LYPD6: variants seen among roughly 807,000 people sequenced by gnomAD.
LYPD6 encodes ly6/PLAUR domain-containing protein 6.
In LYPD6, 15 loss-of-function variants were observed where a neutral mutation model predicts 22.7. The observed-to-expected ratio is 0.66, with a 90% CI of 0.44 to 1.02. The LOEUF is 1.02. LYPD6 is among the 50% of genes least tolerant of loss of function. The pLI is 0.00. For synonymous variants in LYPD6, 72 were observed against 77.5 expected (o/e 0.93, Z 0.37); for missense variants, 189 against 208.4 (o/e 0.91, Z 0.57).
chr2:149,428,578 A>G (rs140489431), intron 1 of LYPD6, among the ~76,000 whole-genome samples: 169 of 152,302 alleles, frequency 1.1e-3, no homozygotes, highest in African/African-American at 3.8e-3. Context: ...TCTCACTTGA[A>G]AAATATTCAG....
intron 1 of LYPD6, among the ~76,000 whole-genome samples, chr2:149,404,045 A>G (rs896390364): frequency 6.6e-6 from 1 of 152,066 alleles, no homozygotes; most frequent in African/African-American, 2.4e-5. Flanking sequence ...ATAGTTGTAG[A>G]TATGCGCCAT....
At chr2:149,459,142 C>T (rs1413015838) in intron 3 of LYPD6, among the ~76,000 whole-genome samples, 3 of 152,114 alleles carry the variant, frequency 2.0e-5, no homozygotes, top group East Asian at 1.9e-4. Context: ...AAAAACAAAA[C>T]GTCTTGAAAT....
downstream of LYPD6, among the ~76,000 whole-genome samples, chr2:149,474,840 CTTACTGCAACT>C (rs1681424618): frequency 6.6e-6 from 1 of 152,142 alleles, no homozygotes; most frequent in African/African-American, 2.4e-5. Context: ...TGATCTCACA[CTTACTGCAACT>C]TCTGCCTCCT....
intron 1 of LYPD6, among the ~76,000 whole-genome samples, chr2:149,389,483 T>C (rs997050321): frequency 2.6e-5 from 4 of 152,074 alleles, no homozygotes; most frequent in Non-Finnish European, 5.9e-5. Context: ...ATTACAGATA[T>C]ACGAAAATTA....
At chr2:149,404,612 A>C (rs1418071281) in intron 1 of LYPD6, among the ~76,000 whole-genome samples, 2 of 152,190 alleles carry the variant, frequency 1.3e-5, no homozygotes, top group African/African-American at 4.8e-5. Flanking sequence ...GAAGTTGCTT[A>C]TCAGCTTAAG....
chr2:149,335,389 GA>G (rs1271597461), intron 1 of LYPD6, among the ~76,000 whole-genome samples: 2 of 151,788 alleles, frequency 1.3e-5, no homozygotes, highest in East Asian at 1.9e-4. Flanking sequence ...TCATTTAATA[GA>G]AAAAAAGCTT....
intron 1 of LYPD6, among the ~76,000 whole-genome samples, chr2:149,428,046 T>C (rs1159933836): frequency 6.6e-6 from 1 of 152,246 alleles, no homozygotes; most frequent in Non-Finnish European, 1.5e-5. Flanking sequence ...TAAGATTGGG[T>C]ATGCATGAAT....
At chr2:149,430,252 G>T (rs187332680) in intron 1 of LYPD6, among the ~76,000 whole-genome samples, 1 of 151,998 alleles carries the variant, frequency 6.6e-6, no homozygotes, top group Admixed American at 6.6e-5. Context: ...GGTGCCCGCC[G>T]CCATGCCCAG....
chr2:149,379,430 A>G (rs560369214), intron 1 of LYPD6, among the ~76,000 whole-genome samples: 14 of 152,380 alleles, frequency 9.2e-5, no homozygotes, highest in African/African-American at 3.4e-4. Flanking sequence ...AAAAATTTTA[A>G]AAGTTTACCA....
intron 1 of LYPD6, among the ~76,000 whole-genome samples, chr2:149,401,626 C>T (rs1682557986): frequency 6.6e-6 from 1 of 152,074 alleles, no homozygotes; most frequent in Non-Finnish European, 1.5e-5. Context: ...GGAATATTAC[C>T]TCATTATGCT....
At chr2:149,444,415 AC>A (rs1274140902) in intron 2 of LYPD6, among the ~76,000 whole-genome samples, 1 of 152,196 alleles carries the variant, frequency 6.6e-6, no homozygotes, top group African/African-American at 2.4e-5. Context: ...TAAAAATAAG[AC>A]AACAATGAAG....
At chr2:149,394,794 C>T (rs1184940561) in intron 1 of LYPD6, among the ~76,000 whole-genome samples, 1 of 152,130 alleles carries the variant, frequency 6.6e-6, no homozygotes, top group Non-Finnish European at 1.5e-5. Context: ...TGCTCACCAC[C>T]ATCAACCAGT....
chr2:149,444,414 G>C (rs1432442522), intron 2 of LYPD6, among the ~76,000 whole-genome samples: 1 of 152,124 alleles, frequency 6.6e-6, no homozygotes, highest in African/African-American at 2.4e-5. Context: ...TTAAAAATAA[G>C]ACAACAATGA....
chr2:149,472,537 ACT>A lies in LYPD6; in HGVS notation c.*1690_*1691del, dbSNP rs1681366038. 1 of 152,686 alleles carries A rather than the reference ACT, an allele frequency of 6.5e-6. No homozygotes were observed. The highest frequency in any genetic ancestry group is 1.5e-5 in the Non-Finnish European group (1 of 68,054). The allele number at this position is 152,686 out of a possible 1,614,324, so 9.5% of individuals were successfully genotyped here. On this transcript the variant is annotated 3_prime_UTR_variant, in exon 5 of 5. Transcript: ENST00000334166. ...GACTAAATATGAACTGACAGCAGTA[ACT>A]CTGATACAGAATAATCTAAATTGCA...
At chr2:149,403,979 T>C (rs921235834) in intron 1 of LYPD6, among the ~76,000 whole-genome samples, 11 of 152,340 alleles carry the variant, frequency 7.2e-5, no homozygotes, top group African/African-American at 2.6e-4. Flanking sequence ...GCACCATTTA[T>C]TAAATAGGGA....
chr2:149,371,844 T>A (rs944251863), intron 1 of LYPD6, among the ~76,000 whole-genome samples: 1 of 152,156 alleles, frequency 6.6e-6, no homozygotes, highest in Admixed American at 6.5e-5. Flanking sequence ...TCCATAGTAC[T>A]CCTATTTAAT....
At chr2:149,437,976 G>T in intron 2 of LYPD6, 150 bp downstream of exon 2, 3 of 924,084 alleles carry the variant, frequency 3.2e-6, no homozygotes, top group Non-Finnish European at 3.2e-6. Context: ...GATGTTTTAT[G>T]CTTTACCCTC....
intron 1 of LYPD6, among the ~76,000 whole-genome samples, chr2:149,394,152 C>T (rs1682375409): frequency 6.6e-6 from 1 of 152,208 alleles, no homozygotes; most frequent in Non-Finnish European, 1.5e-5. Flanking sequence ...ACTCTTAACT[C>T]ACAATGATGT....
chr2:149,420,376 G>A lies in LYPD6; in HGVS notation c.-71-17262G>A, dbSNP rs561102342. ...TGCCTCTGAAAATGTTGGTGTCTGT[G>A]TGTGTTTCATTTCTCAAAATGTGAC... is the stretch of plus-strand genomic sequence containing the variant. On this transcript the variant is annotated intron_variant, in intron 1 of 4. Coordinates refer to ENST00000334166, the MANE Select transcript of LYPD6 (RefSeq NM_194317.5). Among the ~76,000 whole-genome samples the A allele has an allele frequency of 2.0e-5, 3 of 152,300 alleles. No individual in the cohort carries two copies. The South Asian group carries it at 6.2e-4, about 32-fold the overall frequency.
Sources: allele counts gnomAD v4.1 joint callset (sites outside exome capture counted in the v4.1 genomes callset), GRCh38; gene constraint gnomAD v4.1.1; transcripts MANE v1.5; gene names NCBI Gene and HGNC (gene_info 2026-07-23, HGNC 2026-07-21).